Variants in SPATA6 observed in about 807,000 individuals in gnomAD.
SPATA6 encodes the protein spermatogenesis associated 6.
Under a neutral mutation model 65.3 loss-of-function variants are expected in SPATA6, and 56 were observed. The observed-to-expected ratio is 0.86, with a 90% confidence interval of 0.69 to 1.07. The LOEUF is 1.07. Ranked by LOEUF, SPATA6 falls within the 50% of genes least tolerant of loss-of-function variation. The probability of loss-of-function intolerance (pLI) is 0.00; values close to 1 mark genes in which losing one functional copy is unlikely to be tolerated. For missense variants in SPATA6, 590 were observed against 594.8 expected (o/e 0.99, Z 0.08); for synonymous variants, 199 against 213.2 (o/e 0.93, Z 0.58).
chr1:48,381,362 C>T (rs911025398), intron 9 of SPATA6, among the ~76,000 whole-genome samples: 1 of 152,218 alleles, frequency 6.6e-6, no homozygotes, highest in South Asian at 2.1e-4. Context: ...ATAGAAAATT[C>T]CAGTCTCCAT....
chr1:48,394,870 A>C (rs1346604665), intron 8 of SPATA6, among the ~76,000 whole-genome samples: 2 of 152,004 alleles, frequency 1.3e-5, no homozygotes, highest in African/African-American at 4.8e-5. Context: ...ATCTAACCAT[A>C]GCACTACTAG....
intron 3 of SPATA6, among the ~76,000 whole-genome samples, chr1:48,424,707 T>C (rs753272281): frequency 6.6e-6 from 1 of 152,328 alleles, no homozygotes; most frequent in Non-Finnish European, 1.5e-5. Flanking sequence ...AATAATCACA[T>C]TGTAGTTTTG....
chr1:48,384,837 A>C (rs1649284752), intron 9 of SPATA6, among the ~76,000 whole-genome samples: 1 of 152,186 alleles, frequency 6.6e-6, no homozygotes, highest in Non-Finnish European at 1.5e-5. Context: ...CATACATGTA[A>C]AGCATGTGAT....
intron 1 of SPATA6, among the ~76,000 whole-genome samples, chr1:48,470,159 T>C (rs964735446): frequency 1.3e-5 from 2 of 152,190 alleles, no homozygotes; most frequent in African/African-American, 2.4e-5. Flanking sequence ...GCAATACAAC[T>C]AATACTCAGG....
intron 3 of SPATA6, among the ~76,000 whole-genome samples, chr1:48,420,433 T>G (rs1653215890): frequency 6.6e-6 from 1 of 152,152 alleles, no homozygotes; most frequent in Non-Finnish European, 1.5e-5. Flanking sequence ...CAGCCTGGAC[T>G]TGGGCCTGCT....
intron 11 of SPATA6, among the ~76,000 whole-genome samples, chr1:48,321,732 C>A (rs757334873): frequency 6.6e-6 from 1 of 152,134 alleles, no homozygotes; most frequent in Non-Finnish European, 1.5e-5. Context: ...TTCTCCTCAG[C>A]ACATGGATCA....
At chr1:48,355,119 T>A (rs540572037) in intron 11 of SPATA6, among the ~76,000 whole-genome samples, 1 of 152,160 alleles carries the variant, frequency 6.6e-6, no homozygotes, top group Non-Finnish European at 1.5e-5. Flanking sequence ...ACTGTCATTA[T>A]TTCCCAGCTG....
chr1:48,466,615 T>G (rs1321814449), intron 1 of SPATA6, among the ~76,000 whole-genome samples: 2 of 151,934 alleles, frequency 1.3e-5, no homozygotes, highest in Non-Finnish European at 2.9e-5. Context: ...CATGTAAAAT[T>G]TATCATTTGT....
At chr1:48,470,818 T>C (rs945953518) in intron 1 of SPATA6, among the ~76,000 whole-genome samples, 4 of 151,752 alleles carry the variant, frequency 2.6e-5, no homozygotes, top group Middle Eastern at 3.4e-3. Context: ...AGGAGAGTAA[T>C]GGTAATATTT....
chr1:48,283,621 G>A, the SPATA6 span, among the ~76,000 whole-genome samples: 1 of 139,372 alleles, frequency 7.2e-6, no homozygotes, highest in East Asian at 2.3e-4. Flanking sequence ...GGAGTTTGCA[G>A]TAAGTCGAGA....
chr1:48,311,538 A>C (rs1645208156), intron 11 of SPATA6, among the ~76,000 whole-genome samples: 1 of 152,172 alleles, frequency 6.6e-6, no homozygotes, highest in Admixed American at 6.5e-5. Context: ...ACCTATAATA[A>C]AGAAAGAGAG....
At chr1:48,308,168 C>T (rs773490294) in intron 11 of SPATA6, among the ~76,000 whole-genome samples, 10 of 151,824 alleles carry the variant, frequency 6.6e-5, no homozygotes, top group South Asian at 2.1e-4. Context: ...ATTTCTCCAT[C>T]GTTGCCTTCT....
At chr1:48,267,590 A>G in the SPATA6 span, among the ~76,000 whole-genome samples, 121,860 of 151,704 alleles carry the variant, frequency 0.8, 49,148 homozygotes, top group African/African-American at 0.87. Flanking sequence ...ACTGCTGGCC[A>G]AATTCTGCGT....
Position 48,359,763 on chromosome 1 carries a change from CT to C in SPATA6, c.916del (p.Arg306GlyfsTer12). Reference protein sequence around the residue: ...CCRPKDYKVIRTPHGRDFDDS... With the variant: ...CCRPKDYKVIXTPHGRDFDDS... ...ATCGAAGTCTCTCCCATGGGGTGTCCTGATAACCTGTTTTAAAAATTATATA... is the reference window on the plus strand; with the variant it reads ...ATCGAAGTCTCTCCCATGGGGTGTCCGATAACCTGTTTTAAAAATTATATA... On this transcript the variant is annotated frameshift_variant, in exon 10 of 13. Coordinates refer to ENST00000371847, the MANE Select transcript of SPATA6 (RefSeq NM_019073.4). LOFTEE classifies it high-confidence loss of function. 6.2e-7 allele frequency: 1 copy of C among 1,608,166 alleles called. No individual in the cohort carries two copies. Among genetic ancestry groups the C allele is most frequent in the Non-Finnish European group, 8.5e-7 (1 of 1,177,342 alleles).
intron 11 of SPATA6, among the ~76,000 whole-genome samples, chr1:48,331,075 A>C (rs1645902005): frequency 6.6e-6 from 1 of 152,192 alleles, no homozygotes; most frequent in East Asian, 1.9e-4. Context: ...AAAGCAAAAC[A>C]ATCCGTTCAA....
chr1:48,346,521 A>G (rs962864023), intron 11 of SPATA6, among the ~76,000 whole-genome samples: 1 of 152,060 alleles, frequency 6.6e-6, no homozygotes, highest in Non-Finnish European at 1.5e-5. Context: ...GAGGAAGTCA[A>G]ATCATCCCTG....
chr1:48,428,809 G>GTGTGTGTA (rs144421737), intron 3 of SPATA6, among the ~76,000 whole-genome samples: 18,112 of 137,284 alleles, frequency 0.13, 1,313 homozygotes, highest in South Asian at 0.18. Flanking sequence ...GTGTGTGTGT[G>GTGTGTGTA]TATATGTATA....
At chr1:48,386,826 A>C (rs1649520847) in intron 8 of SPATA6, among the ~76,000 whole-genome samples, 1 of 152,178 alleles carries the variant, frequency 6.6e-6, no homozygotes, top group Non-Finnish European at 1.5e-5. Context: ...TTAAGTAGCT[A>C]TGGCAAGGCA....
At chr1:48,430,019 A>G (rs1654252077) in intron 3 of SPATA6, among the ~76,000 whole-genome samples, 1 of 152,196 alleles carries the variant, frequency 6.6e-6, no homozygotes, top group African/African-American at 2.4e-5. Context: ...GGACCAATGG[A>G]CACACTGGGG....
Sources: gnomAD v4.1 joint callset for allele counts (sites outside exome capture counted in the v4.1 genomes callset) on GRCh38, gnomAD v4.1.1 for gene constraint, MANE v1.5 for transcripts, NCBI Gene and HGNC (gene_info 2026-07-23, HGNC 2026-07-21) for gene names.